Variants in ESRRG observed in about 807,000 individuals in gnomAD.
The protein encoded by ESRRG is estrogen-related receptor gamma.
ESRRG carries 13 observed loss-of-function variants against 44.0 expected under a neutral mutation model. The ratio of observed to expected loss-of-function variants is 0.30; its 90% CI spans 0.19 to 0.47. The LOEUF is 0.47. ESRRG is among the 20% of genes least tolerant of loss of function. The pLI, the probability that ESRRG is intolerant of heterozygous loss-of-function variation, is 1.00. For synonymous variants in ESRRG, 215 were observed against 214.6 expected (o/e 1.00, Z -0.02); for missense variants, 395 against 580.6 (o/e 0.68, Z 3.29).
At chr1:216,787,331 G>A (rs1576550009) in intron 2 of ESRRG, among the ~76,000 whole-genome samples, 1 of 151,980 alleles carries the variant, frequency 6.6e-6, no homozygotes. Context: ...AAGGCTGGGT[G>A]CAGTGGTTCA....
rs1057141269 is a variant in ESRRG at position 216,618,026 on chromosome 1, C to T, written c.589+32947G>A. Among the ~76,000 whole-genome samples the T allele has an allele frequency of 6.6e-5, 10 of 152,212 alleles. No homozygotes were observed. In the South Asian group the frequency reaches 2.1e-3, roughly 32 times the overall value. ...CATATTGAGATTCTAGAGTAACATA[C>T]AAATTATATTTAACCATCAAAAAAT... On this transcript the variant is annotated intron_variant, in intron 3 of 6. Coordinates refer to ENST00000408911, the MANE Select transcript of ESRRG (RefSeq NM_001438.4).
intron 1 of ESRRG, among the ~76,000 whole-genome samples, chr1:217,004,863 G>T (rs534995406): frequency 6.6e-6 from 1 of 152,022 alleles, no homozygotes; most frequent in Admixed American, 6.6e-5. Flanking sequence ...TTGAAATCAC[G>T]GGACTAAAAA....
intron 3 of ESRRG, among the ~76,000 whole-genome samples, chr1:216,611,201 A>T (rs551558957): frequency 3.2e-5 from 3 of 92,682 alleles, no homozygotes; most frequent in African/African-American, 1.4e-4. Context: ...CAAAAGTGAA[A>T]CTCCGTCCTC....
intron 1 of ESRRG, among the ~76,000 whole-genome samples, chr1:216,721,096 T>G (rs1287486537): frequency 6.6e-6 from 1 of 152,258 alleles, no homozygotes; most frequent in Non-Finnish European, 1.5e-5. Flanking sequence ...TTACTGCTAT[T>G]AAATGTGAAA....
At chr1:216,825,633 C>G (rs1336311884) in intron 2 of ESRRG, among the ~76,000 whole-genome samples, 2 of 152,014 alleles carry the variant, frequency 1.3e-5, no homozygotes, top group African/African-American at 4.8e-5. Context: ...ATGCACAAGA[C>G]AAATAAGTTT....
intron 3 of ESRRG, among the ~76,000 whole-genome samples, chr1:216,630,385 T>C (rs537598429): frequency 8.0e-4 from 121 of 151,966 alleles, no homozygotes; most frequent in Admixed American, 2.4e-3. Flanking sequence ...TCAAACTCCA[T>C]TTTGACAATT....
intron 1 of ESRRG, among the ~76,000 whole-genome samples, chr1:216,948,377 G>A (rs1334045442): frequency 2.0e-5 from 3 of 150,460 alleles, no homozygotes; most frequent in East Asian, 4.0e-4. Flanking sequence ...CTCAGGAGGT[G>A]TAGGCAGGAG....
At chr1:217,119,008 TAG>T (rs59978444) in intron 1 of ESRRG, among the ~76,000 whole-genome samples, 11,923 of 44,412 alleles carry the variant, frequency 0.27, 591 homozygotes, top group Non-Finnish European at 0.35. Context: ...ACTAGATGGA[TAG>T]ATAGATAGAT....
intron 1 of ESRRG, among the ~76,000 whole-genome samples, chr1:217,027,307 AC>A (rs1387524923): frequency 2.6e-5 from 4 of 152,140 alleles, no homozygotes; most frequent in Non-Finnish European, 5.9e-5. Flanking sequence ...CTGCTCAATG[AC>A]AAGCACCCCC....
At chr1:217,102,282 A>C (rs2151569678) in intron 1 of ESRRG, among the ~76,000 whole-genome samples, 1 of 152,356 alleles carries the variant, frequency 6.6e-6, no homozygotes, top group Admixed American at 6.5e-5. Flanking sequence ...TCAGCAAGTA[A>C]GTGTGGGATC....
At chr1:216,640,691 G>A (rs1337905522) in intron 3 of ESRRG, among the ~76,000 whole-genome samples, 1 of 152,112 alleles carries the variant, frequency 6.6e-6, no homozygotes, top group Non-Finnish European at 1.5e-5. Context: ...TAGGAATGGG[G>A]CCCAAATGAA....
intron 1 of ESRRG, among the ~76,000 whole-genome samples, chr1:217,029,011 T>C (rs201312313): frequency 3.3e-5 from 5 of 151,660 alleles, no homozygotes; most frequent in Non-Finnish European, 7.4e-5. Flanking sequence ...TCAAAAGTAA[T>C]TGTGTACCAT....
chr1:216,966,749 T>G (rs2070465448), intron 1 of ESRRG, among the ~76,000 whole-genome samples: 2 of 152,298 alleles, frequency 1.3e-5, no homozygotes, highest in South Asian at 4.1e-4. Flanking sequence ...AAGTTTTCCC[T>G]GTGCCTCTAA....
At chr1:216,788,060 A>C (rs61094558) in intron 2 of ESRRG, among the ~76,000 whole-genome samples, 4,904 of 152,266 alleles carry the variant, frequency 0.032, 213 homozygotes, top group East Asian at 0.13. Context: ...GAAAGAAGTC[A>C]TCACCATAAT....
At chr1:216,735,459 C>T (rs2089698527) in intron 2 of ESRRG, among the ~76,000 whole-genome samples, 1 of 151,676 alleles carries the variant, frequency 6.6e-6, no homozygotes, top group Non-Finnish European at 1.5e-5. Context: ...CCTCCAGCCT[C>T]AGCCTCCCAA....
At position 216,568,024 on chromosome 1, in the gene ESRRG, G is replaced by C; in HGVS notation, c.664C>G (p.Leu222Val). The change falls in exon 4 of 7, where the codon CTG becomes GTG. Residue 222 changes from leucine to valine, a missense_variant. Transcript: ENST00000408911. ...GCTGGCTGAACCAGCTGAGGGTTCAGGTATGGGCTGTTCTCCGCATCTATC... is the reference window on the plus strand; with the variant it reads ...GCTGGCTGAACCAGCTGAGGGTTCACGTATGGGCTGTTCTCCGCATCTATC... The part of the protein sequence containing the change: ...RRIDAENSPY[L>V]NPQLVQPAKK... 1.2e-6 allele frequency: 2 copies of C among 1,613,752 alleles called. No homozygotes were observed. The highest frequency in any genetic ancestry group is 1.7e-6 in the Non-Finnish European group (2 of 1,179,718).
At chr1:216,763,094 C>A (rs979086049) in intron 2 of ESRRG, among the ~76,000 whole-genome samples, 7 of 151,960 alleles carry the variant, frequency 4.6e-5, no homozygotes, top group African/African-American at 1.7e-4. Context: ...GAAGGGGAGA[C>A]AATTATATTG....
At chr1:216,754,125 C>T (rs1359442114) in intron 2 of ESRRG, among the ~76,000 whole-genome samples, 6 of 151,978 alleles carry the variant, frequency 3.9e-5, no homozygotes, top group Non-Finnish European at 5.9e-5. Context: ...AGCAGCTAGA[C>T]ATTTTAAAAG....
chr1:216,999,670 C>T (rs2076782742), intron 1 of ESRRG, among the ~76,000 whole-genome samples: 1 of 152,158 alleles, frequency 6.6e-6, no homozygotes, highest in Non-Finnish European at 1.5e-5. Flanking sequence ...TTCGCTTGTT[C>T]GTTCAGCAAA....
Sources: gnomAD v4.1 joint callset for allele counts (sites outside exome capture counted in the v4.1 genomes callset) on GRCh38, gnomAD v4.1.1 for gene constraint, MANE v1.5 for transcripts, NCBI Gene and HGNC (gene_info 2026-07-23, HGNC 2026-07-21) for gene names.